RORA: variants seen among roughly 807,000 people sequenced by gnomAD.
RORA encodes nuclear receptor ROR-alpha.
RORA carries 7 observed loss-of-function variants against 69.5 expected under a neutral mutation model. The ratio of observed to expected loss-of-function variants is 0.10; its 90% confidence interval spans 0.06 to 0.19. RORA has a LOEUF of 0.19. RORA is among the 10% of genes least tolerant of loss of function. The probability of loss-of-function intolerance (pLI) is 1.00; values close to 1 mark genes in which losing one functional copy is unlikely to be tolerated. For synonymous variants in RORA, 261 were observed against 240.8 expected (o/e 1.08, Z -0.78); for missense variants, 457 against 663.0 (o/e 0.69, Z 3.41).
Position 60,929,515 on chromosome 15 carries a change from G to A in RORA, c.167-250829C>T, listed in dbSNP as rs185241732. ...AAAAGGCGAGAAGGAGATAATGCTA[G>A]GACAGCCACTTTCTTCAGTTTTTAC... On this transcript the variant is annotated intron_variant, in intron 1 of 10. Transcript: ENST00000335670. Among the ~76,000 whole-genome samples, 4 of 152,284 alleles carry A rather than the reference G, an allele frequency of 2.6e-5. No homozygotes were observed. In the East Asian group the frequency reaches 7.7e-4, roughly 29 times the overall value.
chr15:60,946,873 C>A (rs1417857178), intron 1 of RORA, among the ~76,000 whole-genome samples: 1 of 151,386 alleles, frequency 6.6e-6, no homozygotes, highest in East Asian at 2.0e-4. Context: ...AGCGCCTCTG[C>A]CCCGCCGCCC....
intron 1 of RORA, among the ~76,000 whole-genome samples, chr15:60,831,041 G>A (rs341390): frequency 0.28 from 42,813 of 152,092 alleles, 6,247 homozygotes; most frequent in African/African-American, 0.34. Flanking sequence ...CGAGGAGACT[G>A]AGAATACCTG....
intron 1 of RORA, among the ~76,000 whole-genome samples, chr15:60,951,208 G>C (rs560101310): frequency 2.6e-5 from 4 of 151,830 alleles, no homozygotes; most frequent in Non-Finnish European, 5.9e-5. Context: ...ATAACGAAAC[G>C]AAGGCAGAAA....
intron 1 of RORA, among the ~76,000 whole-genome samples, chr15:60,868,012 T>C (rs2073509417): frequency 6.6e-6 from 1 of 152,242 alleles, no homozygotes; most frequent in Non-Finnish European, 1.5e-5. Context: ...GCCATTGTTA[T>C]ATATCAGAAG....
chr15:60,681,049 A>G (rs1445342718), intron 1 of RORA, among the ~76,000 whole-genome samples: 4 of 152,234 alleles, frequency 2.6e-5, no homozygotes, highest in Non-Finnish European at 4.4e-5. Flanking sequence ...ATACAAACAC[A>G]CAAAAGGCAA....
chr15:60,930,943 G>C (rs996210178), intron 1 of RORA, among the ~76,000 whole-genome samples: 3 of 152,176 alleles, frequency 2.0e-5, no homozygotes, highest in Admixed American at 1.3e-4. Context: ...GGATAAAAGT[G>C]GCCCTTGAAA....
intron 1 of RORA, among the ~76,000 whole-genome samples, chr15:61,119,085 G>GA (rs1050632166): frequency 6.7e-6 from 1 of 150,336 alleles, no homozygotes; most frequent in Non-Finnish European, 1.5e-5. Flanking sequence ...AACAGAAGGG[G>GA]GGGGGGGGCG....
chr15:61,177,852 C>T (rs1352047920), intron 1 of RORA, among the ~76,000 whole-genome samples: 1 of 151,646 alleles, frequency 6.6e-6, no homozygotes, highest in Non-Finnish European at 1.5e-5. Context: ...ATCTCAGCTG[C>T]TCGGGAGGCT....
intron 2 of RORA, among the ~76,000 whole-genome samples, chr15:60,657,490 C>G (rs947038169): frequency 2.4e-4 from 37 of 152,170 alleles, no homozygotes; most frequent in Non-Finnish European, 2.9e-4. Context: ...ACTCCCCAGT[C>G]AGATTATGCT....
chr15:60,679,028 T>C (rs28609464), intron 1 of RORA, among the ~76,000 whole-genome samples: 1 of 151,964 alleles, frequency 6.6e-6, no homozygotes, highest in Non-Finnish European at 1.5e-5. Flanking sequence ...GGGAAAGATG[T>C]AAGGCACAAG....
intron 1 of RORA, among the ~76,000 whole-genome samples, chr15:60,755,179 C>T (rs1442059385): frequency 1.4e-5 from 2 of 141,714 alleles, no homozygotes; most frequent in Non-Finnish European, 3.0e-5. Flanking sequence ...GTTCCCCTTC[C>T]TGTGTCCATG....
chr15:61,165,361 GC>G (rs1416686882), intron 1 of RORA, among the ~76,000 whole-genome samples: 1 of 152,150 alleles, frequency 6.6e-6, no homozygotes, highest in Non-Finnish European at 1.5e-5. Context: ...TGTGTATCCA[GC>G]TCCCCTCTTT....
chr15:60,995,863 C>A (rs950841432), intron 1 of RORA, among the ~76,000 whole-genome samples: 3 of 152,170 alleles, frequency 2.0e-5, no homozygotes, highest in African/African-American at 7.2e-5. Context: ...TCAAGAAAAG[C>A]AGTCAATATT....
chr15:60,992,386 C>G (rs1487507516), intron 1 of RORA, among the ~76,000 whole-genome samples: 1 of 152,132 alleles, frequency 6.6e-6, no homozygotes, highest in Non-Finnish European at 1.5e-5. Flanking sequence ...ATTTCCTATG[C>G]TTGCCATAGG....
intron 1 of RORA, among the ~76,000 whole-genome samples, chr15:60,780,740 G>A (rs150947337): frequency 0.012 from 1,875 of 152,278 alleles, 36 homozygotes; most frequent in African/African-American, 0.043. Context: ...CCATGTAGTC[G>A]TAAAATTTAT....
intron 1 of RORA, among the ~76,000 whole-genome samples, chr15:60,899,806 G>A (rs1891335153): frequency 6.6e-6 from 1 of 152,208 alleles, no homozygotes. Context: ...GGGAATGTGT[G>A]TACAGAATAT....
intron 1 of RORA, among the ~76,000 whole-genome samples, chr15:60,772,129 A>G (rs1177219689): frequency 6.6e-6 from 1 of 152,148 alleles, no homozygotes; most frequent in Non-Finnish European, 1.5e-5. Context: ...ACATAGGTAT[A>G]CATGTGCCAT....
intron 2 of RORA, among the ~76,000 whole-genome samples, chr15:60,541,741 C>T (rs1396302582): frequency 2.0e-5 from 3 of 151,580 alleles, no homozygotes; most frequent in African/African-American, 7.3e-5. Context: ...CACTATAACA[C>T]CTCATAAATG....
At chr15:60,936,905 G>GC (rs1892540581) in intron 1 of RORA, among the ~76,000 whole-genome samples, 1 of 152,158 alleles carries the variant, frequency 6.6e-6, no homozygotes, top group African/African-American at 2.4e-5. Flanking sequence ...AAAGCACTGT[G>GC]CTGATGTAAG....
Sources: gnomAD v4.1 joint callset for allele counts (sites outside exome capture counted in the v4.1 genomes callset) on GRCh38, gnomAD v4.1.1 for gene constraint, MANE v1.5 for transcripts, NCBI Gene and HGNC (gene_info 2026-07-23, HGNC 2026-07-21) for gene names.